Variants in PPARGC1A observed in about 807,000 individuals in gnomAD.
The protein encoded by PPARGC1A is PPARG coactivator 1 alpha, also known as peroxisome proliferator-activated receptor gamma coactivator 1-alpha.
A neutral mutation model predicts 88.7 loss-of-function variants in PPARGC1A; 25 were observed. The ratio of observed to expected loss-of-function variants is 0.28; its 90% CI spans 0.21 to 0.39. PPARGC1A has a LOEUF of 0.39. Among genes scored for constraint, PPARGC1A ranks in the 10% least tolerant of loss-of-function variants. The pLI is 1.00. For synonymous variants in PPARGC1A, 363 were observed against 355.6 expected, an observed-to-expected ratio of 1.02 and a Z score of -0.24; for missense variants, 880 against 968.7, an observed-to-expected ratio of 0.91 and a Z score of 1.22.
the PPARGC1A span, among the ~76,000 whole-genome samples, chr4:24,358,831 C>A: frequency 2.0e-5 from 3 of 152,326 alleles, no homozygotes; most frequent in South Asian, 6.2e-4. Context: ...GGCCAGTGAA[C>A]CCTGAGCGTG....
At chr4:24,270,333 C>CTGTGTGTG in the PPARGC1A span, among the ~76,000 whole-genome samples, 1 of 149,056 alleles carries the variant, frequency 6.7e-6, no homozygotes, top group African/African-American at 2.5e-5. Flanking sequence ...CTCTCTCTCT[C>CTGTGTGTG]TGTGTGTGTG....
intron 7 of PPARGC1A, among the ~76,000 whole-genome samples, chr4:23,821,844 GGGTTTGCCC>G: frequency 6.6e-6 from 1 of 151,614 alleles, no homozygotes; most frequent in South Asian, 2.1e-4. Context: ...ATTTAAACTT[GGGTTTGCCC>G]AACATCCAAG....
the PPARGC1A span, among the ~76,000 whole-genome samples, chr4:24,094,474 T>TA: frequency 1.3e-5 from 2 of 152,198 alleles, no homozygotes; most frequent in African/African-American, 4.8e-5. Flanking sequence ...TTCCTGTTCA[T>TA]AAGATACTGC....
At chr4:24,404,420 A>G in the PPARGC1A span, among the ~76,000 whole-genome samples, 1 of 152,058 alleles carries the variant, frequency 6.6e-6, no homozygotes, top group Non-Finnish European at 1.5e-5. Context: ...AATAAAGTAA[A>G]AATCTTTAGT....
the PPARGC1A span, among the ~76,000 whole-genome samples, chr4:23,980,379 C>T: frequency 6.6e-6 from 1 of 152,074 alleles, no homozygotes; most frequent in Non-Finnish European, 1.5e-5. Flanking sequence ...TCTACCCAAA[C>T]TTAATTCCTG....
At chr4:24,011,050 G>A in the PPARGC1A span, among the ~76,000 whole-genome samples, 56 of 152,300 alleles carry the variant, frequency 3.7e-4, no homozygotes, top group African/African-American at 1.3e-3. Context: ...ATTAGTAGCA[G>A]AAATAGGACC....
the PPARGC1A span, among the ~76,000 whole-genome samples, chr4:24,468,334 G>A: frequency 6.6e-6 from 1 of 152,220 alleles, no homozygotes; most frequent in East Asian, 1.9e-4. Context: ...TCTGCTGTCT[G>A]CTGCACTGAG....
intron 2 of PPARGC1A, among the ~76,000 whole-genome samples, chr4:23,856,398 T>C (rs1012769319): frequency 6.6e-6 from 1 of 152,246 alleles, no homozygotes; most frequent in Non-Finnish European, 1.5e-5. Flanking sequence ...CCTTTGTTCG[T>C]TGGCTTTCAT....
chr4:24,417,511 A>G, the PPARGC1A span, among the ~76,000 whole-genome samples: 1 of 152,234 alleles, frequency 6.6e-6, no homozygotes, highest in African/African-American at 2.4e-5. Context: ...GGGTGTATGT[A>G]AATTCCCCTA....
the PPARGC1A span, among the ~76,000 whole-genome samples, chr4:23,998,434 T>A: frequency 6.6e-6 from 1 of 150,390 alleles, no homozygotes; most frequent in Non-Finnish European, 1.5e-5. Context: ...CTACGGCAAT[T>A]TTTTTTTTTA....
the PPARGC1A span, among the ~76,000 whole-genome samples, chr4:24,437,671 CT>C: frequency 1.9e-4 from 29 of 149,114 alleles, no homozygotes; most frequent in African/African-American, 6.4e-4. Context: ...TTTTTTCTTT[CT>C]TTTTTTTTCT....
chr4:24,288,083 A>G, the PPARGC1A span, among the ~76,000 whole-genome samples: 1 of 152,102 alleles, frequency 6.6e-6, no homozygotes, highest in African/African-American at 2.4e-5. Context: ...TTTTCCCTCA[A>G]CATCTATATT....
chr4:23,984,870 C>A, the PPARGC1A span, among the ~76,000 whole-genome samples: 4 of 152,052 alleles, frequency 2.6e-5, no homozygotes, highest in East Asian at 1.9e-4. Context: ...CCTACACTGG[C>A]CAGTGGTCAG....
the PPARGC1A span, among the ~76,000 whole-genome samples, chr4:24,066,033 C>T: frequency 6.6e-6 from 1 of 152,022 alleles, no homozygotes; most frequent in South Asian, 2.1e-4. Context: ...CTGCAGCCTC[C>T]AATTTCCACA....
chr4:24,324,696 G>A, the PPARGC1A span, among the ~76,000 whole-genome samples: 995 of 152,172 alleles, frequency 6.5e-3, 10 homozygotes, highest in Non-Finnish European at 9.0e-3. Flanking sequence ...AATTCTTGTC[G>A]TAAAATGGGC....
the PPARGC1A span, among the ~76,000 whole-genome samples, chr4:24,179,413 C>T: frequency 2.6e-5 from 4 of 152,158 alleles, no homozygotes; most frequent in East Asian, 3.9e-4. Flanking sequence ...TTGCTTTGAC[C>T]CATCCAGTGT....
chr4:24,134,097 A>T, the PPARGC1A span, among the ~76,000 whole-genome samples: 2 of 152,188 alleles, frequency 1.3e-5, no homozygotes, highest in Admixed American at 1.3e-4. Context: ...TCCCAAACAC[A>T]TAAAAGGTGA....
At chr4:24,065,917 T>C in the PPARGC1A span, among the ~76,000 whole-genome samples, 1 of 152,182 alleles carries the variant, frequency 6.6e-6, no homozygotes, top group Non-Finnish European at 1.5e-5. Context: ...AGGCCCTGTA[T>C]GATTCTCCAC....
At chr4:23,843,513 A>G (rs56767315) in intron 2 of PPARGC1A, among the ~76,000 whole-genome samples, 3,824 of 152,176 alleles carry the variant, frequency 0.025, 146 homozygotes, top group African/African-American at 0.087. Flanking sequence ...TGCTAATAAC[A>G]ATAACATTAT....
Sources: allele counts gnomAD v4.1 joint callset (sites outside exome capture counted in the v4.1 genomes callset), GRCh38; gene constraint gnomAD v4.1.1; transcripts MANE v1.5; gene names NCBI Gene and HGNC (gene_info 2026-07-23, HGNC 2026-07-21).